Variants in FREM1 observed in about 807,000 individuals in gnomAD.
FREM1 encodes FRAS1-related extracellular matrix protein 1.
Under a neutral mutation model 210.1 loss-of-function variants are expected in FREM1, and 220 were observed. The observed-to-expected ratio is 1.05, with a 90% CI of 0.94 to 1.17. The LOEUF (loss-of-function observed/expected upper bound fraction) is 1.17. Among genes scored for constraint, FREM1 ranks in the 50% most tolerant of loss-of-function variants. FREM1 has a pLI of 0.00. For synonymous variants in FREM1, 1,189 were observed against 980.2 expected, an observed-to-expected ratio of 1.21 and a Z score of -3.98; for missense variants, 3,454 against 2,675.5, an observed-to-expected ratio of 1.29 and a Z score of -6.42.
intron 2 of FREM1, 85 bp from the exon 3 acceptor site, chr9:14,863,988 A>G: frequency 1.2e-6 from 1 of 802,790 alleles, no homozygotes; most frequent in Non-Finnish European, 2.1e-6. Context: ...CTGCCTGGAG[A>G]AAATATGCTC....
Position 14,869,180 on chromosome 9 carries a change from A to C in FREM1, c.-203T>G, listed in dbSNP as rs1212652553. On this transcript the variant is annotated 5_prime_UTR_variant, in exon 2 of 37. Transcript: ENST00000380880. ...TCAGGCAATCCCAGGGCTTTTAATA[A>C]AACTCGCTGATCACTCCTGACAACG... is the stretch of plus-strand genomic sequence containing the variant. The C allele has an allele frequency of 1.9e-6, 1 of 515,756 alleles. No individual in the cohort carries two copies. Among genetic ancestry groups the C allele is most frequent in the Non-Finnish European group, 3.4e-6 (1 of 290,510 alleles). The allele number at this position is 515,756 out of a possible 1,614,324, so 31.9% of individuals were successfully genotyped here.
At chr9:14,851,007 G>C (rs1203415818) in intron 6 of FREM1, among the ~76,000 whole-genome samples, 1 of 152,194 alleles carries the variant, frequency 6.6e-6, no homozygotes, top group Admixed American at 6.5e-5. Flanking sequence ...GGGCACACTT[G>C]TATCCTTGCA....
Position 14,792,871 on chromosome 9 carries a change from C to T in FREM1, c.3853G>A (p.Ala1285Thr), listed in dbSNP as rs1449445391. ...KPMLSKKAEI[A>T]MNMGETRIIS... The stretch of plus-strand genomic sequence containing the variant: ...ATACGAGTTTCACCCATATTCATTG[C>T]AATTTCAGCCTTCCTGTAAAAAGAA... Residue 1285 changes from alanine (A) to threonine (T), a missense_variant, in exon 22 of 37, where the codon GCA becomes ACA. Coordinates refer to ENST00000380880, the MANE Select transcript of FREM1 (RefSeq NM_001379081.2). 6.3e-7 allele frequency: 1 copy of T among 1,577,432 alleles called. No homozygotes were observed. The highest frequency in any genetic ancestry group is 8.6e-7 in the Non-Finnish European group (1 of 1,161,378).
chr9:14,832,975 G>A (rs890240006), intron 10 of FREM1, among the ~76,000 whole-genome samples: 1 of 152,160 alleles, frequency 6.6e-6, no homozygotes, highest in Non-Finnish European at 1.5e-5. Flanking sequence ...CAGCAGAACG[G>A]TCAGTAACAA....
chr9:14,885,610 G>A (rs1381827033), intron 1 of FREM1, among the ~76,000 whole-genome samples: 2 of 152,034 alleles, frequency 1.3e-5, no homozygotes, highest in Non-Finnish European at 2.9e-5. Flanking sequence ...TCATAGGGAT[G>A]GGAGTCTCAC....
intron 17 of FREM1, among the ~76,000 whole-genome samples, chr9:14,807,701 C>T (rs754985406): frequency 1.3e-4 from 19 of 149,340 alleles, no homozygotes; most frequent in Non-Finnish European, 1.9e-4. Context: ...ACACACACCC[C>T]AACACACGTA....
chr9:14,739,933 A>G (rs749374034), intron 36 of FREM1, among the ~76,000 whole-genome samples: 14 of 152,122 alleles, frequency 9.2e-5, no homozygotes, highest in Non-Finnish European at 1.5e-4. Flanking sequence ...CCACATTCCT[A>G]TTTATTTCTT....
At chr9:14,860,283 G>A (rs938676482) in intron 3 of FREM1, among the ~76,000 whole-genome samples, 1 of 151,936 alleles carries the variant, frequency 6.6e-6, no homozygotes, top group Non-Finnish European at 1.5e-5. Context: ...GGCTGGAGAA[G>A]GAGAAGCAGT....
intron 1 of FREM1, among the ~76,000 whole-genome samples, chr9:14,900,260 G>T (rs978900239): frequency 6.6e-6 from 1 of 152,138 alleles, no homozygotes; most frequent in Non-Finnish European, 1.5e-5. Context: ...TTGTCTGAGT[G>T]GGGCCCAGGC....
rs2133298588 is a variant in FREM1 at position 14,801,885 on chromosome 9, A to T, written c.3472-11T>A. Reference sequence around the variant, plus strand: ...CTGACCCTCACACACCTGAGCAAGAACACATGAGAAAAGTCAACAATGCAT... The same window carrying T: ...CTGACCCTCACACACCTGAGCAAGATCACATGAGAAAAGTCAACAATGCAT... On this transcript the variant is annotated splice_polypyrimidine_tract_variant and intron_variant, in intron 19 of 36. Coordinates refer to ENST00000380880, the MANE Select transcript of FREM1 (RefSeq NM_001379081.2). The T allele has an allele frequency of 6.3e-7, 1 of 1,585,756 alleles. No individual in the cohort carries two copies. Among genetic ancestry groups the T allele is most frequent in the Non-Finnish European group, 8.6e-7 (1 of 1,162,592 alleles).
chr9:14,742,463 C>A (rs1841749156), intron 35 of FREM1, among the ~76,000 whole-genome samples: 1 of 152,068 alleles, frequency 6.6e-6, no homozygotes, highest in Non-Finnish European at 1.5e-5. Flanking sequence ...AGGAGTCTGG[C>A]TCCTTTGACT....
chr9:14,821,369 T>C (rs542905832), intron 13 of FREM1, among the ~76,000 whole-genome samples: 38 of 152,238 alleles, frequency 2.5e-4, no homozygotes, highest in Admixed American at 2.4e-3. Flanking sequence ...TTTTTTCCTT[T>C]ACACTTTTTA....
At chr9:14,804,229 G>A (rs10810247) in intron 19 of FREM1, among the ~76,000 whole-genome samples, 26,137 of 152,106 alleles carry the variant, frequency 0.17, 2,648 homozygotes, top group Non-Finnish European at 0.22. Flanking sequence ...CTGCTTGCCC[G>A]TAACACACAG....
chr9:14,884,942 T>TTTTTTTTG (rs1835507440), intron 1 of FREM1, among the ~76,000 whole-genome samples: 2 of 141,866 alleles, frequency 1.4e-5, no homozygotes, highest in Admixed American at 7.1e-5. Context: ...TTTTTTTTTT[T>TTTTTTTTG]GAGACGGAGT....
At chr9:14,904,326 C>T (rs1016190709) in intron 1 of FREM1, among the ~76,000 whole-genome samples, 14 of 152,040 alleles carry the variant, frequency 9.2e-5, no homozygotes, top group Non-Finnish European at 1.8e-4. Context: ...ATATAGAAGA[C>T]AAGCTTTATC....
At chr9:14,747,174 C>G in intron 33 of FREM1, 90 bp downstream of exon 33, 1 of 1,574,384 alleles carries the variant, frequency 6.4e-7, no homozygotes, top group South Asian at 1.1e-5. Flanking sequence ...ATCCCCCCAA[C>G]CTTGGAGGCT....
At position 14,868,960 on chromosome 9, in the gene FREM1, C is replaced by G. The variant is rs759229864; in HGVS notation, c.18G>C (p.Trp6Cys). 3.2e-6 allele frequency: 5 copies of G among 1,584,330 alleles called. No homozygotes were observed. Among genetic ancestry groups the G allele is most frequent in the Non-Finnish European group, 3.4e-6 (4 of 1,167,940 alleles). The change falls in exon 2 of 37, where the codon TGG becomes TGC. Residue 6 changes from tryptophan to cysteine, a missense_variant. Physicochemically the swap from Trp to Cys is radical, Grantham distance 215 (BLOSUM62 -2). Coordinates refer to ENST00000380880, the MANE Select transcript of FREM1 (RefSeq NM_001379081.2). ...GCAGCAGCACGGCATTCGCAGCCCC[C>G]CAACTCAGAGAGTTCATGCTGACAG... MNSLS[W>C]GAANAVLLLL...
chr9:14,843,564 T>G (rs943240332), intron 8 of FREM1, among the ~76,000 whole-genome samples: 1 of 152,222 alleles, frequency 6.6e-6, no homozygotes, highest in Non-Finnish European at 1.5e-5. Flanking sequence ...TTCTGTTGGT[T>G]TCATTTCTCT....
chr9:14,870,472 T>A (rs1000623433), intron 1 of FREM1, among the ~76,000 whole-genome samples: 2 of 152,160 alleles, frequency 1.3e-5, no homozygotes, highest in Non-Finnish European at 2.9e-5. Flanking sequence ...GTTTTGTTTT[T>A]TGTTGCTGTT....
Sources: allele counts gnomAD v4.1 joint callset (sites outside exome capture counted in the v4.1 genomes callset), GRCh38; gene constraint gnomAD v4.1.1; transcripts MANE v1.5; gene names NCBI Gene and HGNC (gene_info 2026-07-23, HGNC 2026-07-21).